Variants in GABPA observed in about 807,000 individuals in gnomAD.
GABPA encodes the protein GA-binding protein alpha chain.
GABPA carries 4 observed loss-of-function variants against 59.4 expected under a neutral mutation model. The ratio of observed to expected loss-of-function variants is 0.07; its 90% confidence interval spans 0.03 to 0.15. The LOEUF (loss-of-function observed/expected upper bound fraction) is 0.15, where lower values mean the gene tolerates loss of function less well. GABPA is among the 10% of genes least tolerant of loss of function. The probability of loss-of-function intolerance (pLI) is 1.00; values close to 1 mark genes in which losing one functional copy is unlikely to be tolerated. For missense variants in GABPA, 251 were observed against 543.8 expected (o/e 0.46, Z 5.36); for synonymous variants, 164 against 183.1 (o/e 0.90, Z 0.84).
chr21:25,736,705 A>G (rs1421358586), intron 1 of GABPA, among the ~76,000 whole-genome samples: 3 of 152,226 alleles, frequency 2.0e-5, no homozygotes, highest in Non-Finnish European at 4.4e-5. Context: ...ATAAAACTCC[A>G]AACCTACAGA....
At chr21:25,742,086 G>C (rs888577069) in intron 2 of GABPA, among the ~76,000 whole-genome samples, 2 of 152,188 alleles carry the variant, frequency 1.3e-5, no homozygotes, top group African/African-American at 4.8e-5. Flanking sequence ...CCCTTATAAA[G>C]GCCACGTTGT....
At chr21:25,741,218 C>T (rs767726447) in intron 1 of GABPA, among the ~76,000 whole-genome samples, 1 of 152,162 alleles carries the variant, frequency 6.6e-6, no homozygotes, top group Non-Finnish European at 1.5e-5. Flanking sequence ...GCCTCAGCCT[C>T]CTGGGCTCAG....
intron 1 of GABPA, among the ~76,000 whole-genome samples, chr21:25,735,986 A>G (rs1271523551): frequency 6.6e-6 from 1 of 152,162 alleles, no homozygotes; most frequent in Non-Finnish European, 1.5e-5. Flanking sequence ...ACCCTGTCTC[A>G]TCGCGGGACT....
chr21:25,755,705 A>T (rs994226921), intron 5 of GABPA, among the ~76,000 whole-genome samples: 1 of 152,160 alleles, frequency 6.6e-6, no homozygotes, highest in Non-Finnish European at 1.5e-5. Flanking sequence ...CTATTAATAA[A>T]TGTTTTCCCG....
At chr21:25,765,147 TG>T (rs2035860503) in intron 9 of GABPA, among the ~76,000 whole-genome samples, 1 of 152,028 alleles carries the variant, frequency 6.6e-6, no homozygotes, top group Admixed American at 6.6e-5. Context: ...AGCAGAATAT[TG>T]ACCCATTTTC....
At chr21:25,765,337 TG>T (rs1228353766) in intron 9 of GABPA, among the ~76,000 whole-genome samples, 2 of 152,054 alleles carry the variant, frequency 1.3e-5, no homozygotes, top group East Asian at 3.9e-4. Flanking sequence ...CACGGAATTA[TG>T]TCTGATTTTT....
intron 5 of GABPA, among the ~76,000 whole-genome samples, chr21:25,753,794 G>C (rs1015399492): frequency 2.0e-5 from 3 of 152,176 alleles, no homozygotes; most frequent in Non-Finnish European, 2.9e-5. Context: ...ATTTGTAAAT[G>C]AAACAGTATT....
At chr21:25,748,431 AT>A (rs1422516848) in intron 3 of GABPA, among the ~76,000 whole-genome samples, 3 of 152,196 alleles carry the variant, frequency 2.0e-5, no homozygotes, top group African/African-American at 7.2e-5. Flanking sequence ...TTTATCATCA[AT>A]TTGCCATAGT....
intron 1 of GABPA, among the ~76,000 whole-genome samples, chr21:25,740,727 G>A (rs1313486156): frequency 6.6e-6 from 1 of 152,174 alleles, no homozygotes; most frequent in Non-Finnish European, 1.5e-5. Context: ...TCTACTGTGT[G>A]TAATCAGGGA....
At position 25,735,402 on chromosome 21, in the gene GABPA, A is replaced by AG. The variant is rs952900650; in HGVS notation, c.-197dup. On this transcript the variant is annotated 5_prime_UTR_variant, in exon 1 of 10. Coordinates refer to ENST00000400075, the MANE Select transcript of GABPA (RefSeq NM_002040.4). ...GACCCGAAGGTGCCTGGGAGGCGGG[A>AG]GGGGGGTTGGGGCTTCTCAGCGCCG... The AG allele has an allele frequency of 1.1e-4, 19 of 180,532 alleles. No homozygotes were observed. The highest frequency in any genetic ancestry group is 7.0e-4 in the Admixed American group (12 of 17,158). 11.2% of individuals were successfully genotyped at this position (180,532 alleles called of 1,614,324 possible).
rs71649665 is a variant in GABPA, at chr21:25,740,601, A to G, written c.-26-972A>G. On this transcript the variant is annotated intron_variant, in intron 1 of 9. Transcript: ENST00000400075. ...ATTCTTTAGCATTTTTAAAATTCTAATGTTTTTGTATCAGTGGTTTTAAGC... is the reference window on the plus strand; with the variant it reads ...ATTCTTTAGCATTTTTAAAATTCTAGTGTTTTTGTATCAGTGGTTTTAAGC... Among the ~76,000 whole-genome samples the G allele has an allele frequency of 3.8e-3, 583 of 152,326 alleles. 4 individuals carry two copies. Among genetic ancestry groups the G allele is most frequent in the African/African-American group, 0.013 (552 of 41,572 alleles).
chr21:25,747,392 T>A (rs1390641031), intron 3 of GABPA, among the ~76,000 whole-genome samples: 1 of 152,228 alleles, frequency 6.6e-6, no homozygotes, highest in African/African-American at 2.4e-5. Context: ...CCCAGGCTCT[T>A]CCAAGTTCTC....
chr21:25,736,407 T>G (rs2035062102), intron 1 of GABPA, among the ~76,000 whole-genome samples: 1 of 152,212 alleles, frequency 6.6e-6, no homozygotes, highest in Non-Finnish European at 1.5e-5. Context: ...TAGTGTTATC[T>G]TGAACTTCAG....
At chr21:25,748,518 A>G (rs1456893444) in intron 3 of GABPA, among the ~76,000 whole-genome samples, 1 of 152,222 alleles carries the variant, frequency 6.6e-6, no homozygotes, top group African/African-American at 2.4e-5. Context: ...GATTCAAGAT[A>G]TTCATAGCTA....
chr21:25,750,458 T>C (rs912889840), intron 4 of GABPA, among the ~76,000 whole-genome samples: 1 of 152,152 alleles, frequency 6.6e-6, no homozygotes, highest in African/African-American at 2.4e-5. Context: ...ATCCAACCAG[T>C]ACAGTTTAGC....
Position 25,764,200 on chromosome 21 carries a change from G to A in GABPA, c.803-10G>A. On this transcript the variant is annotated splice_polypyrimidine_tract_variant and intron_variant, in intron 7 of 9. Coordinates refer to ENST00000400075, the MANE Select transcript of GABPA (RefSeq NM_002040.4). The stretch of plus-strand genomic sequence containing the variant: ...GAAGAAAAAAAATTTCTCCTTGTCT[G>A]TCTTTGCAGCTGTGCAAATTATTCC... 1 of 1,547,084 alleles carries A rather than the reference G, an allele frequency of 6.5e-7. No homozygotes were observed. Among genetic ancestry groups the A allele is most frequent in the Non-Finnish European group, 8.7e-7 (1 of 1,151,980 alleles).
intron 2 of GABPA, among the ~76,000 whole-genome samples, chr21:25,744,385 A>G (rs1422614127): frequency 1.3e-5 from 2 of 152,194 alleles, no homozygotes; most frequent in Non-Finnish European, 2.9e-5. Context: ...CATTCATTGA[A>G]TATCATGTAT....
intron 6 of GABPA, among the ~76,000 whole-genome samples, chr21:25,761,031 T>C (rs1241434762): frequency 1.3e-5 from 2 of 152,106 alleles, no homozygotes; most frequent in African/African-American, 4.8e-5. Context: ...TAGGTTCCTT[T>C]AGTCTCAAAT....
At chr21:25,750,485 G>A (rs1385876112) in intron 4 of GABPA, among the ~76,000 whole-genome samples, 1 of 152,182 alleles carries the variant, frequency 6.6e-6, no homozygotes, top group African/African-American at 2.4e-5. Context: ...AGAAGAATTT[G>A]TAATAGACAT....
Sources: allele counts gnomAD v4.1 joint callset (sites outside exome capture counted in the v4.1 genomes callset), GRCh38; gene constraint gnomAD v4.1.1; transcripts MANE v1.5; gene names NCBI Gene and HGNC (gene_info 2026-07-23, HGNC 2026-07-21).